Variants in TBC1D7 observed in about 807,000 individuals in gnomAD.
TBC1D7 encodes the protein TBC1 domain family member 7.
A neutral mutation model predicts 35.3 loss-of-function variants in TBC1D7; 33 were observed. That is an observed-to-expected ratio of 0.93 (90% confidence interval 0.71 to 1.25). The LOEUF is 1.25. TBC1D7 is among the 50% of genes most tolerant of loss of function. The pLI is 0.00. For missense variants in TBC1D7, 362 were observed against 365.3 expected (o/e 0.99, Z 0.07); for synonymous variants, 135 against 129.5 (o/e 1.04, Z -0.29).
At position 13,328,517 on chromosome 6, in the gene TBC1D7, C is replaced by G. The variant is rs1411093111; in HGVS notation, c.-230G>C. 1 of 158,096 alleles carries G rather than the reference C, an allele frequency of 6.3e-6. No homozygotes were observed. The highest frequency in any genetic ancestry group is 1.4e-5 in the Non-Finnish European group (1 of 71,216). The allele number at this position is 158,096 out of a possible 1,614,324, so 9.8% of individuals were successfully genotyped here. A position where few individuals can be genotyped will look rare whatever the true frequency, so the allele number is the denominator to read the frequency against. ...CAAAACTCAGCGCCGCTGCCGCTGCCGCTGCCGCCGCCGCCGGACGTGACA... is the reference window on the plus strand; with the variant it reads ...CAAAACTCAGCGCCGCTGCCGCTGCGGCTGCCGCCGCCGCCGGACGTGACA... On this transcript the variant is annotated 5_prime_UTR_variant, in exon 1 of 8. Coordinates refer to ENST00000379300, the MANE Select transcript of TBC1D7 (RefSeq NM_016495.6).
chr6:13,326,247 G>A (rs1239531762), intron 2 of TBC1D7, among the ~76,000 whole-genome samples: 1 of 152,110 alleles, frequency 6.6e-6, no homozygotes, highest in Non-Finnish European at 1.5e-5. Flanking sequence ...TGGATCACTT[G>A]AGGTCAGGAA....
intron 5 of TBC1D7, among the ~76,000 whole-genome samples, chr6:13,312,731 T>C (rs898816482): frequency 1.4e-4 from 20 of 144,884 alleles, no homozygotes; most frequent in African/African-American, 4.6e-4. Flanking sequence ...CAAAAAAATA[T>C]ATATTTTTTT....
rs775616001 is a variant in TBC1D7, at chr6:13,321,138, C to T, written c.194-43G>A. 7 of 1,541,936 alleles carry T rather than the reference C, an allele frequency of 4.5e-6. No homozygotes were observed. The Admixed American group carries it at 1.3e-4, about 28-fold the overall frequency. ...AACGAAAAAAGGACAAAATACTGAG[C>T]CATCACTCCAAATCCCTCATCTATG... On this transcript the variant is annotated intron_variant, in intron 3 of 7. Transcript: ENST00000379300.
At chr6:13,317,269 T>C (rs892836398) in intron 4 of TBC1D7, among the ~76,000 whole-genome samples, 1 of 152,228 alleles carries the variant, frequency 6.6e-6, no homozygotes, top group Non-Finnish European at 1.5e-5. Context: ...ATGGCATTTC[T>C]CAAACCTTGT....
intron 5 of TBC1D7, among the ~76,000 whole-genome samples, chr6:13,315,608 T>C (rs888717646): frequency 1.3e-5 from 2 of 152,066 alleles, no homozygotes; most frequent in African/African-American, 4.8e-5. Flanking sequence ...TCCCACTTAC[T>C]TGGGAGGCTA....
chr6:13,323,683 AG>A (rs1784206568), intron 3 of TBC1D7: 1 of 152,296 alleles, frequency 6.6e-6, no homozygotes, highest in Non-Finnish European at 1.5e-5. Flanking sequence ...AGGATGAACA[AG>A]AAACAAGTCA....
chr6:13,318,498 C>T (rs1404093879), intron 4 of TBC1D7, among the ~76,000 whole-genome samples: 1 of 152,124 alleles, frequency 6.6e-6, no homozygotes, highest in Non-Finnish European at 1.5e-5. Context: ...TTCACTTTGC[C>T]AATAAGTGAA....
At chr6:13,320,719 A>C in intron 4 of TBC1D7, 189 bp downstream of exon 4, 1 of 692,724 alleles carries the variant, frequency 1.4e-6, no homozygotes. Context: ...TATTTTAAAA[A>C]AACAAAAAGT....
intron 4 of TBC1D7, 172 bp downstream of exon 4, chr6:13,320,736 G>A (rs762918170): frequency 1.4e-6 from 1 of 736,312 alleles, no homozygotes; most frequent in Non-Finnish European, 2.4e-6. Flanking sequence ...AAGTAAGAAG[G>A]TTGGGTCAGA....
Position 13,326,798 on chromosome 6 carries a change from T to C in TBC1D7, c.101A>G (p.Asp34Gly), listed in dbSNP as rs767100256. The change falls in exon 2 of 8, where the codon GAT (aspartate) becomes GGT (glycine). Residue 34 changes from aspartate (D) to glycine (G), a missense_variant. Coordinates refer to ENST00000379300, the MANE Select transcript of TBC1D7 (RefSeq NM_016495.6). ...TTAAAAGTACTCACCCAGACGGTCA[T>C]CTTTTAGGAGAATTTCTAATGATTT... ...EKKSLEILLK[D>G]DRLDTEKLCT... The C allele has an allele frequency of 6.2e-7, 1 of 1,609,848 alleles. No homozygotes were observed. Among genetic ancestry groups the C allele is most frequent in the Non-Finnish European group, 8.5e-7 (1 of 1,176,682 alleles).
intron 6 of TBC1D7, 130 bp downstream of exon 6, chr6:13,307,470 G>C: frequency 2.3e-6 from 2 of 873,876 alleles, no homozygotes; most frequent in Non-Finnish European, 3.6e-6. Flanking sequence ...TACGGTAGCT[G>C]CTGGAGGACT....
chr6:13,326,630 T>G (rs1784422585), intron 2 of TBC1D7, among the ~76,000 whole-genome samples, 157 bp downstream of exon 2: 1 of 152,204 alleles, frequency 6.6e-6, no homozygotes, highest in African/African-American at 2.4e-5. Context: ...AATATAAATT[T>G]GAAAAATCTT....
chr6:13,307,598 G>A lies in TBC1D7; in HGVS notation c.665+2C>T. On this transcript the variant is annotated splice_donor_variant, in intron 6 of 7. Coordinates refer to ENST00000379300, the MANE Select transcript of TBC1D7 (RefSeq NM_016495.6). LOFTEE classifies it low-confidence loss of function (GC_TO_GT_DONOR). ...CAATATGTCTTCGAAAGACCTACTT[G>A]CCTCTGTAAACTGGATTCAGGCAAA... 4 of 1,614,012 alleles carry A rather than the reference G, an allele frequency of 2.5e-6. No homozygotes were observed. Among genetic ancestry groups the A allele is most frequent in the Non-Finnish European group, 3.4e-6 (4 of 1,179,986 alleles).
At chr6:13,322,620 TA>T in intron 3 of TBC1D7, among the ~76,000 whole-genome samples, 1 of 152,310 alleles carries the variant, frequency 6.6e-6, no homozygotes, top group South Asian at 2.1e-4. Context: ...TTTAGTATTC[TA>T]AAGAACACCC....
chr6:13,307,604 G>C lies in TBC1D7; in HGVS notation c.661C>G (p.Gln221Glu). ...GTCTTCGAAAGACCTACTTGCCTCT[G>C]TAAACTGGATTCAGGCAAACATCCC... ...FAGCLPESSL[Q>E]RVWDKVVSGS... is the part of the protein sequence containing the mutation. Residue 221 changes from glutamine to glutamate, a missense_variant, in exon 6 of 8, where the codon CAG becomes GAG. By Grantham distance (29) the Gln-to-Glu change is conservative (BLOSUM62 2). Coordinates refer to ENST00000379300, the MANE Select transcript of TBC1D7 (RefSeq NM_016495.6). The C allele has an allele frequency of 6.2e-7, 1 of 1,614,078 alleles. No homozygotes were observed. Among genetic ancestry groups the C allele is most frequent in the Non-Finnish European group, 8.5e-7 (1 of 1,180,002 alleles).
rs1460810612 is a variant in TBC1D7 at position 13,326,782 on chromosome 6, C to T, written c.112+5G>A. 6 of 1,579,492 alleles carry T rather than the reference C, an allele frequency of 3.8e-6. No individual in the cohort carries two copies. The highest frequency in any genetic ancestry group is 5.2e-6 in the Non-Finnish European group (6 of 1,152,504). ...CCAATGAGATTAATTTTTAAAAGTACTCACCCAGACGGTCATCTTTTAGGA... is the reference window on the plus strand; with the variant it reads ...CCAATGAGATTAATTTTTAAAAGTATTCACCCAGACGGTCATCTTTTAGGA... On this transcript the variant is annotated splice_donor_5th_base_variant and intron_variant, in intron 2 of 7. Transcript: ENST00000379300.
chr6:13,305,191 T>C lies in TBC1D7; in HGVS notation c.796-4A>G, dbSNP rs376967012. ...CGTCTGAGCTGTCCTGGGGAATCTG[T>C]GGGCAAGCAAATCAGTCTTTGTGAA... On this transcript the variant is annotated splice_polypyrimidine_tract_variant and splice_region_variant and intron_variant, in intron 7 of 7. Coordinates refer to ENST00000379300, the MANE Select transcript of TBC1D7 (RefSeq NM_016495.6). 284 of 1,614,034 alleles carry C rather than the reference T, an allele frequency of 1.8e-4. No individual in the cohort carries two copies. The highest frequency in any genetic ancestry group is 2.4e-4 in the Non-Finnish European group (281 of 1,180,016).
chr6:13,323,307 C>T (rs998058674), intron 3 of TBC1D7, among the ~76,000 whole-genome samples: 8 of 151,838 alleles, frequency 5.3e-5, no homozygotes, highest in South Asian at 4.2e-4. Flanking sequence ...GCTGAGATCG[C>T]GCCACTGCAC....
At chr6:13,308,610 T>C (rs188685945) in intron 5 of TBC1D7, among the ~76,000 whole-genome samples, 78 of 152,310 alleles carry the variant, frequency 5.1e-4, no homozygotes, top group African/African-American at 1.8e-3. Context: ...AGTCAAATCC[T>C]AAAGTCCACA....
Sources: gnomAD v4.1 joint callset for allele counts (sites outside exome capture counted in the v4.1 genomes callset) on GRCh38, gnomAD v4.1.1 for gene constraint, MANE v1.5 for transcripts, NCBI Gene and HGNC (gene_info 2026-07-23, HGNC 2026-07-21) for gene names.